Variants in WDR72 observed in about 807,000 individuals in gnomAD.
WDR72 encodes the protein WD repeat domain 72, also known as WD repeat-containing protein 72.
WDR72 carries 120 observed loss-of-function variants against 124.2 expected under a neutral mutation model. That is an observed-to-expected ratio of 0.97 (90% CI 0.83 to 1.12). The LOEUF is 1.12. Among genes scored for constraint, WDR72 ranks in the 50% most tolerant of loss-of-function variants. The pLI is 0.00. For synonymous variants in WDR72, 452 were observed against 441.7 expected (o/e 1.02, Z -0.29); for missense variants, 1,387 against 1,278.8 (o/e 1.08, Z -1.29).
chr15:53,639,677 G>C (rs1053840861), intron 14 of WDR72, among the ~76,000 whole-genome samples: 1 of 151,844 alleles, frequency 6.6e-6, no homozygotes, highest in East Asian at 1.9e-4. Context: ...GCTATTAATA[G>C]TTAATATTGG....
intron 18 of WDR72, among the ~76,000 whole-genome samples, chr15:53,592,998 A>C (rs2140333265): frequency 6.6e-6 from 1 of 152,246 alleles, no homozygotes; most frequent in Admixed American, 6.5e-5. Flanking sequence ...GACCTCAAAT[A>C]AAATACATGC....
At chr15:53,535,722 C>T (rs545568366) in intron 18 of WDR72, among the ~76,000 whole-genome samples, 1 of 152,118 alleles carries the variant, frequency 6.6e-6, no homozygotes, top group Non-Finnish European at 1.5e-5. Context: ...ATTGACAAAT[C>T]TGAAACACAG....
intron 17 of WDR72, among the ~76,000 whole-genome samples, chr15:53,609,240 A>G (rs765449136): frequency 2.0e-5 from 3 of 152,188 alleles, no homozygotes; most frequent in Non-Finnish European, 2.9e-5. Context: ...AATAATGGAC[A>G]ATCCTGCTTC....
chr15:53,613,334 A>G (rs138947137), intron 16 of WDR72, among the ~76,000 whole-genome samples: 3 of 152,276 alleles, frequency 2.0e-5, no homozygotes, highest in African/African-American at 4.8e-5. Context: ...AAAAGTTTCA[A>G]ATTTTTAGGC....
intron 17 of WDR72, among the ~76,000 whole-genome samples, chr15:53,603,118 A>G (rs12439608): frequency 0.14 from 21,470 of 152,068 alleles, 2,400 homozygotes; most frequent in African/African-American, 0.31. Flanking sequence ...ATCCAGCAGC[A>G]TATCAGAAAG....
At chr15:53,675,189 C>G (rs1028216729) in intron 13 of WDR72, among the ~76,000 whole-genome samples, 1 of 151,854 alleles carries the variant, frequency 6.6e-6, no homozygotes, top group Admixed American at 6.6e-5. Flanking sequence ...CTAAAATACA[C>G]AAAATTAGCC....
intron 2 of WDR72, among the ~76,000 whole-genome samples, chr15:53,729,684 C>CAG (rs1184222060): frequency 3.9e-5 from 6 of 152,124 alleles, no homozygotes; most frequent in African/African-American, 1.4e-4. Flanking sequence ...TGTTTGCAAA[C>CAG]TCACCTTCAA....
intron 13 of WDR72, among the ~76,000 whole-genome samples, chr15:53,689,806 G>A (rs2016775482): frequency 6.6e-6 from 1 of 151,924 alleles, no homozygotes; most frequent in South Asian, 2.1e-4. Flanking sequence ...GCAAAGACTT[G>A]GAACCAACCC....
chr15:53,742,209 A>G (rs539400711), intron 1 of WDR72, among the ~76,000 whole-genome samples: 2 of 152,342 alleles, frequency 1.3e-5, no homozygotes, highest in South Asian at 4.1e-4. Flanking sequence ...GTGTCTTGCT[A>G]TCAATAGGAT....
chr15:53,732,913 T>A (rs962362178), intron 2 of WDR72, 84 bp downstream of exon 2: 35 of 1,518,052 alleles, frequency 2.3e-5, no homozygotes, highest in Non-Finnish European at 2.9e-5. Context: ...CATGCAAACC[T>A]TCCACTGTCA....
chr15:53,650,346 G>A (rs2015188471), intron 14 of WDR72, among the ~76,000 whole-genome samples: 1 of 152,160 alleles, frequency 6.6e-6, no homozygotes, highest in Non-Finnish European at 1.5e-5. Context: ...GAGATCTGCT[G>A]TACAACACTG....
chr15:53,600,407 A>G (rs1281112267), intron 17 of WDR72, among the ~76,000 whole-genome samples: 2 of 152,194 alleles, frequency 1.3e-5, no homozygotes, highest in Non-Finnish European at 2.9e-5. Context: ...CAATGCATAT[A>G]AAGAAATTTC....
intron 14 of WDR72, among the ~76,000 whole-genome samples, chr15:53,638,219 CAA>C (rs2014698429): frequency 6.6e-6 from 1 of 152,130 alleles, no homozygotes; most frequent in Admixed American, 6.5e-5. Context: ...TAACATTAGA[CAA>C]AGTCTTTTTT....
At chr15:53,541,425 T>A (rs900565953) in intron 18 of WDR72, among the ~76,000 whole-genome samples, 28 of 151,640 alleles carry the variant, frequency 1.8e-4, no homozygotes, top group African/African-American at 6.8e-4. Flanking sequence ...GACCTGCAGC[T>A]GAGGGTCCTG....
upstream of WDR72, among the ~76,000 whole-genome samples, chr15:53,761,123 CTAAATAAA>C (rs575992255): frequency 6.6e-6 from 1 of 151,766 alleles, no homozygotes; most frequent in African/African-American, 2.4e-5. Context: ...GACTCCATCT[CTAAATAAA>C]TAAATAAATA....
chr15:53,638,696 T>C (rs1176386160), intron 14 of WDR72, among the ~76,000 whole-genome samples: 2 of 151,370 alleles, frequency 1.3e-5, no homozygotes, highest in Non-Finnish European at 2.9e-5. Context: ...TTATTTGTGC[T>C]CTGATACGTT....
chr15:53,643,761 G>A (rs2014941146), intron 14 of WDR72, among the ~76,000 whole-genome samples: 1 of 151,870 alleles, frequency 6.6e-6, no homozygotes, highest in African/African-American at 2.4e-5. Context: ...TGTGTAGAAA[G>A]AGAAAGAAAA....
At chr15:53,640,894 A>G (rs574918024) in intron 14 of WDR72, among the ~76,000 whole-genome samples, 3 of 147,748 alleles carry the variant, frequency 2.0e-5, no homozygotes, top group Non-Finnish European at 4.5e-5. Context: ...AAAGATATTA[A>G]TACTTTATTG....
At chr15:53,585,090 T>C (rs1453715491) in intron 18 of WDR72, among the ~76,000 whole-genome samples, 1 of 151,964 alleles carries the variant, frequency 6.6e-6, no homozygotes, top group African/African-American at 2.4e-5. Flanking sequence ...TGAATAAGGA[T>C]ATATAAGTTT....
Sources: gnomAD v4.1 joint callset for allele counts (sites outside exome capture counted in the v4.1 genomes callset) on GRCh38, gnomAD v4.1.1 for gene constraint, MANE v1.5 for transcripts, NCBI Gene and HGNC (gene_info 2026-07-23, HGNC 2026-07-21) for gene names.